Variants in ADAM22 observed in about 807,000 individuals in gnomAD.
ADAM22 encodes the protein disintegrin and metalloproteinase domain-containing protein 22.
Under a neutral mutation model 144.6 loss-of-function variants are expected in ADAM22, and 65 were observed. The ratio of observed to expected loss-of-function variants is 0.45; its 90% CI spans 0.37 to 0.55. The LOEUF (loss-of-function observed/expected upper bound fraction) is 0.55. Among genes scored for constraint, ADAM22 ranks in the 20% least tolerant of loss-of-function variants. The pLI is 0.00. For missense variants in ADAM22, 974 were observed against 1,184.9 expected (o/e 0.82, Z 2.61); for synonymous variants, 391 against 412.6 (o/e 0.95, Z 0.63).
At chr7:88,013,205 CTAT>C (rs1239879754) in intron 3 of ADAM22, among the ~76,000 whole-genome samples, 1 of 152,178 alleles carries the variant, frequency 6.6e-6, no homozygotes, top group African/African-American at 2.4e-5. Context: ...CTGATCTTAG[CTAT>C]TATTCTCTAT....
Position 88,143,144 on chromosome 7 carries a change from A to G in ADAM22, c.1320+19A>G. ...TTCTAAGGTAATAAGTGTGGTTAAT[A>G]AGGTTTATAATATTAATTATCAACC... On this transcript the variant is annotated intron_variant, in intron 15 of 31. Coordinates refer to ENST00000413139, the MANE Select transcript of ADAM22 (RefSeq NM_001324418.2). 6.8e-7 allele frequency: 1 copy of G among 1,463,226 alleles called. No individual in the cohort carries two copies. Among genetic ancestry groups the G allele is most frequent in the Non-Finnish European group, 9.5e-7 (1 of 1,050,438 alleles). 90.6% of individuals were successfully genotyped at this position (1,463,226 alleles called of 1,614,324 possible). A position where few individuals can be genotyped will look rare whatever the true frequency, so the allele number is the denominator to read the frequency against.
At chr7:87,954,753 CAT>C (rs578087837) in intron 2 of ADAM22, among the ~76,000 whole-genome samples, 1 of 152,314 alleles carries the variant, frequency 6.6e-6, no homozygotes, top group South Asian at 2.1e-4. Context: ...AACTTGGTTC[CAT>C]TCTCCCCATC....
chr7:88,026,030 A>G (rs569736682), intron 3 of ADAM22, among the ~76,000 whole-genome samples: 1 of 152,260 alleles, frequency 6.6e-6, no homozygotes, highest in Non-Finnish European at 1.5e-5. Flanking sequence ...CAAATGTTTT[A>G]TACTTTTTAT....
chr7:88,077,069 T>C (rs1814738798), intron 4 of ADAM22, among the ~76,000 whole-genome samples: 1 of 152,208 alleles, frequency 6.6e-6, no homozygotes, highest in Non-Finnish European at 1.5e-5. Context: ...ATTTATATAG[T>C]ATCATATGTA....
intron 3 of ADAM22, among the ~76,000 whole-genome samples, chr7:88,065,298 AG>A (rs1810946441): frequency 6.6e-6 from 1 of 152,078 alleles, no homozygotes; most frequent in South Asian, 2.1e-4. Flanking sequence ...CTCTAATTGA[AG>A]AGTTTTTGTT....
At chr7:88,115,809 C>T (rs551013189) in intron 6 of ADAM22, among the ~76,000 whole-genome samples, 15 of 152,306 alleles carry the variant, frequency 9.8e-5, no homozygotes, top group African/African-American at 3.4e-4. Context: ...AGGCTCTATG[C>T]TGATGAAGTT....
intron 26 of ADAM22, among the ~76,000 whole-genome samples, chr7:88,173,166 A>G (rs1438039494): frequency 6.6e-6 from 1 of 151,998 alleles, no homozygotes; most frequent in African/African-American, 2.4e-5. Flanking sequence ...AGTATGCACA[A>G]ATTTCTTGTT....
chr7:88,161,889 G>A (rs1394332313), intron 22 of ADAM22, among the ~76,000 whole-genome samples: 1 of 151,992 alleles, frequency 6.6e-6, no homozygotes, highest in Non-Finnish European at 1.5e-5. Flanking sequence ...CATTGTGGAA[G>A]GCAGTGTGGC....
chr7:88,176,821 A>G (rs1336787645), intron 26 of ADAM22, among the ~76,000 whole-genome samples: 1 of 151,824 alleles, frequency 6.6e-6, no homozygotes, highest in African/African-American at 2.4e-5. Context: ...CTGGAGTGCA[A>G]TGGTGCGATC....
chr7:88,042,905 T>C (rs2129472248), intron 3 of ADAM22, among the ~76,000 whole-genome samples: 1 of 151,388 alleles, frequency 6.6e-6, no homozygotes, highest in Admixed American at 6.6e-5. Context: ...CAGATCAAAA[T>C]TTGAATATAT....
rs77405145 is a variant in ADAM22 at position 88,002,670 on chromosome 7, A to G, written c.323+24258A>G. On this transcript the variant is annotated intron_variant, in intron 3 of 31. Coordinates refer to ENST00000413139, the MANE Select transcript of ADAM22 (RefSeq NM_001324418.2). ...TTATATTTAATAAGCCAGAGAGGAA[A>G]AAGACCAGAAATTTAATGAGGACAG... is the stretch of plus-strand genomic sequence containing the variant. Among the ~76,000 whole-genome samples, 236 of 152,354 alleles carry G rather than the reference A, an allele frequency of 1.5e-3. 2 individuals carry two copies. In the East Asian group the frequency reaches 0.039, roughly 25 times the overall value.
intron 3 of ADAM22, among the ~76,000 whole-genome samples, chr7:88,069,103 C>T (rs1364754018): frequency 6.6e-6 from 1 of 151,928 alleles, no homozygotes; most frequent in Non-Finnish European, 1.5e-5. Flanking sequence ...CTCCCCCTCT[C>T]TCTCTGGCTC....
At chr7:88,103,860 T>C (rs947040839) in intron 4 of ADAM22, among the ~76,000 whole-genome samples, 1 of 152,176 alleles carries the variant, frequency 6.6e-6, no homozygotes, top group Non-Finnish European at 1.5e-5. Context: ...TAGTGGTCTT[T>C]ACTGAAATAG....
chr7:88,111,941 G>A (rs1392448126), intron 5 of ADAM22, among the ~76,000 whole-genome samples: 1 of 152,088 alleles, frequency 6.6e-6, no homozygotes, highest in African/African-American at 2.4e-5. Context: ...TTTCTCATTG[G>A]ACATTAACCT....
chr7:88,011,881 T>G (rs563219235), intron 3 of ADAM22, among the ~76,000 whole-genome samples: 1 of 152,332 alleles, frequency 6.6e-6, no homozygotes, highest in African/African-American at 2.4e-5. Flanking sequence ...ATCTGTGGTT[T>G]AGTCATTAAC....
intron 17 of ADAM22, among the ~76,000 whole-genome samples, chr7:88,146,392 A>G (rs940923807): frequency 2.6e-5 from 4 of 152,254 alleles, no homozygotes; most frequent in African/African-American, 9.6e-5. Flanking sequence ...ACTGTGTGCC[A>G]GAGATTATGC....
intron 3 of ADAM22, among the ~76,000 whole-genome samples, chr7:87,997,962 G>A (rs1791618705): frequency 6.6e-6 from 1 of 152,202 alleles, no homozygotes; most frequent in African/African-American, 2.4e-5. Context: ...AACCTCAAAA[G>A]TAGGGAAGCT....
chr7:87,994,900 T>C (rs1282220051), intron 3 of ADAM22, among the ~76,000 whole-genome samples: 1 of 151,986 alleles, frequency 6.6e-6, no homozygotes, highest in Non-Finnish European at 1.5e-5. Flanking sequence ...CGATCTCCGC[T>C]CACTGCAAGC....
chr7:87,981,030 G>T (rs920861984), intron 3 of ADAM22, among the ~76,000 whole-genome samples: 2 of 152,132 alleles, frequency 1.3e-5, no homozygotes, highest in Non-Finnish European at 2.9e-5. Context: ...TATTATCTGA[G>T]CAATTCAGTC....
Sources: gnomAD v4.1 joint callset for allele counts (sites outside exome capture counted in the v4.1 genomes callset) on GRCh38, gnomAD v4.1.1 for gene constraint, MANE v1.5 for transcripts, NCBI Gene and HGNC (gene_info 2026-07-23, HGNC 2026-07-21) for gene names.